The following MALRD1 variants were observed in gnomAD, a reference collection of about 807,000 sequenced individuals.
The protein encoded by MALRD1 is MAM and LDL receptor class A domain containing 1.
In MALRD1, 247 loss-of-function variants were observed where a neutral mutation model predicts 242.1. That is an observed-to-expected ratio of 1.02 (90% CI 0.92 to 1.13). The LOEUF (loss-of-function observed/expected upper bound fraction) is 1.13. Ranked by LOEUF, MALRD1 falls within the 50% of genes most tolerant of loss-of-function variation. The probability of loss-of-function intolerance (pLI) is 0.00; values close to 1 mark genes in which losing one functional copy is unlikely to be tolerated. For synonymous variants in MALRD1, 995 were observed against 866.6 expected (o/e 1.15, Z -2.60); for missense variants, 2,989 against 2,533.1 (o/e 1.18, Z -3.86).
intron 32 of MALRD1, among the ~76,000 whole-genome samples, chr10:19,566,190 A>G (rs1029028232): frequency 6.6e-6 from 1 of 151,740 alleles, no homozygotes; most frequent in Non-Finnish European, 1.5e-5. Context: ...ATGCAGTGGC[A>G]TGATCTCCTC....
Position 19,734,395 on chromosome 10 carries a change from T to C in MALRD1, c.*158T>C, listed in dbSNP as rs1191803357. The C allele has an allele frequency of 3.6e-6, 2 of 559,262 alleles. No individual in the cohort carries two copies. Among genetic ancestry groups the C allele is most frequent in the Non-Finnish European group, 6.1e-6 (2 of 329,720 alleles). 34.6% of individuals were successfully genotyped at this position (559,262 alleles called of 1,614,324 possible). A position where few individuals can be genotyped will look rare whatever the true frequency, so the allele number is the denominator to read the frequency against. ...TATGAATGAATTTTCTTGCAGAATA[T>C]AGAGAATGTTTATATGGAATCAGAA... On this transcript the variant is annotated 3_prime_UTR_variant, in exon 40 of 40. Coordinates refer to ENST00000454679, the MANE Select transcript of MALRD1 (RefSeq NM_001142308.3).
At chr10:19,644,353 C>G (rs1359235287) in intron 36 of MALRD1, among the ~76,000 whole-genome samples, 1 of 152,152 alleles carries the variant, frequency 6.6e-6, no homozygotes, top group Non-Finnish European at 1.5e-5. Flanking sequence ...ATCCCATCAT[C>G]ATTCATTTGA....
At chr10:19,296,172 G>A (rs1387959985) in intron 21 of MALRD1, among the ~76,000 whole-genome samples, 2 of 152,008 alleles carry the variant, frequency 1.3e-5, no homozygotes, top group Non-Finnish European at 2.9e-5. Context: ...CAGTTCCAGG[G>A]AATATTTCAT....
In MALRD1 at chr10:19,438,892, C is replaced by T. The variant is rs560424739; in HGVS notation, c.4846-11415C>T. ...TTTTCCACAGGATCTATCCCAGGCT[C>T]TTCTGAACTCATTGCCTGCAGCATG... On this transcript the variant is annotated intron_variant, in intron 28 of 39. Transcript: ENST00000454679. 1.9e-4 allele frequency among the ~76,000 whole-genome samples: 29 copies of T among 152,270 alleles called. 1 individual carries two copies. Among genetic ancestry groups the T allele is most frequent in the African/African-American group, 6.0e-4 (25 of 41,560 alleles).
chr10:19,198,633 A>G (rs1836371693), intron 14 of MALRD1, among the ~76,000 whole-genome samples: 1 of 152,178 alleles, frequency 6.6e-6, no homozygotes, highest in Non-Finnish European at 1.5e-5. Context: ...CAGAAGCATA[A>G]GAGACCCATG....
intron 31 of MALRD1, among the ~76,000 whole-genome samples, chr10:19,502,030 AGAAAAG>A (rs1838000006): frequency 1.0e-5 from 1 of 97,780 alleles, no homozygotes; most frequent in African/African-American, 5.9e-5. Flanking sequence ...AAAAAAGAAA[AGAAAAG>A]AAAAGAAAAG....
chr10:19,536,534 G>A (rs1032683618), intron 32 of MALRD1, among the ~76,000 whole-genome samples: 2 of 151,542 alleles, frequency 1.3e-5, no homozygotes, highest in African/African-American at 2.4e-5. Flanking sequence ...CATCTCTTTC[G>A]TAGCCCTTGT....
At chr10:19,483,179 G>C (rs1269102789) in intron 29 of MALRD1, among the ~76,000 whole-genome samples, 1 of 147,824 alleles carries the variant, frequency 6.8e-6, no homozygotes, top group Non-Finnish European at 1.5e-5. Context: ...AAGATTTAAT[G>C]GAAGACCTGA....
At chr10:19,210,843 A>C (rs1248836369) in intron 18 of MALRD1, among the ~76,000 whole-genome samples, 1 of 152,120 alleles carries the variant, frequency 6.6e-6, no homozygotes, top group Non-Finnish European at 1.5e-5. Context: ...AGCGTAAGGT[A>C]CATGTAAGGA....
intron 20 of MALRD1, 140 bp from the exon 21 acceptor site, chr10:19,282,879 A>C: frequency 3.5e-6 from 2 of 576,076 alleles, no homozygotes; most frequent in Non-Finnish European, 5.3e-6. Context: ...TGATTTTACA[A>C]ACCATTTGCC....
chr10:19,314,362 G>A (rs1384346697), intron 21 of MALRD1, among the ~76,000 whole-genome samples: 2 of 151,526 alleles, frequency 1.3e-5, no homozygotes, highest in Non-Finnish European at 3.0e-5. Context: ...GGGTACATTT[G>A]AAATATACTG....
intron 28 of MALRD1, among the ~76,000 whole-genome samples, chr10:19,393,152 A>G (rs771336233): frequency 4.6e-5 from 7 of 152,182 alleles, no homozygotes; most frequent in Non-Finnish European, 7.3e-5. Flanking sequence ...CTAAGTTAAA[A>G]TAACTGGGCC....
At chr10:19,170,700 A>G (rs762832719) in intron 13 of MALRD1, among the ~76,000 whole-genome samples, 1 of 152,124 alleles carries the variant, frequency 6.6e-6, no homozygotes, top group Non-Finnish European at 1.5e-5. Context: ...TCTTTATTTC[A>G]TTAGAGAGAT....
intron 19 of MALRD1, among the ~76,000 whole-genome samples, chr10:19,263,907 A>C (rs1235802661): frequency 6.6e-6 from 1 of 152,050 alleles, no homozygotes; most frequent in Non-Finnish European, 1.5e-5. Flanking sequence ...AAATTGCTTT[A>C]GCTATTTGGA....
In MALRD1 at chr10:19,283,146, G is replaced by T. The variant is rs1438055330; in HGVS notation, c.3384G>T (p.Gly1128=). 1.9e-6 allele frequency: 3 copies of T among 1,548,498 alleles called. No individual in the cohort carries two copies. The highest frequency in any genetic ancestry group is 8.7e-7 in the Non-Finnish European group (1 of 1,145,796). The change falls in exon 21 of 40, where the codon GGG becomes GGT. Residue 1128 remains glycine (G), a synonymous_variant. Coordinates refer to ENST00000454679, the MANE Select transcript of MALRD1 (RefSeq NM_001142308.3). ...GGAACGGGATCAGCATTCATCATGG[G>T]GAAGAAAACCACAGGCCATCAGTGG... ...GLGNGISIHH[G]EENHRPSVDH...
At chr10:19,468,809 C>A (rs3904902) in intron 29 of MALRD1, among the ~76,000 whole-genome samples, 4,874 of 151,986 alleles carry the variant, frequency 0.032, 124 homozygotes, top group Middle Eastern at 0.071. Context: ...ATTTTTTGCC[C>A]TTTGTTCTTT....
intron 24 of MALRD1, among the ~76,000 whole-genome samples, chr10:19,333,787 C>T (rs1843489705): frequency 6.6e-6 from 1 of 152,032 alleles, no homozygotes; most frequent in South Asian, 2.1e-4. Context: ...TTTGCCTTTT[C>T]TCGGTAACCT....
In MALRD1 at chr10:19,203,889, C is replaced by G. The variant is rs1836662438; in HGVS notation, c.2104+9C>G. ...TCTCAACGCATCTCAAGGTAAGAAG[C>G]AAACAGGGACTCTACAACCACTGCT... On this transcript the variant is annotated intron_variant, in intron 15 of 39. Coordinates refer to ENST00000454679, the MANE Select transcript of MALRD1 (RefSeq NM_001142308.3). The G allele has an allele frequency of 1.9e-6, 3 of 1,550,392 alleles. No homozygotes were observed. Among genetic ancestry groups the G allele is most frequent in the Non-Finnish European group, 2.6e-6 (3 of 1,146,872 alleles).
At chr10:19,523,336 C>G (rs942122207) in intron 31 of MALRD1, among the ~76,000 whole-genome samples, 1 of 152,152 alleles carries the variant, frequency 6.6e-6, no homozygotes. Flanking sequence ...ATGAAAATAA[C>G]TATTCTTCTG....
Sources: allele counts gnomAD v4.1 joint callset (sites outside exome capture counted in the v4.1 genomes callset), GRCh38; gene constraint gnomAD v4.1.1; transcripts MANE v1.5; gene names NCBI Gene and HGNC (gene_info 2026-07-23, HGNC 2026-07-21).